Variants in SLC44A1 observed in about 807,000 individuals in gnomAD.
The protein encoded by SLC44A1 is choline transporter-like protein 1.
In SLC44A1, 26 loss-of-function variants were observed where a neutral mutation model predicts 79.3. The ratio of observed to expected loss-of-function variants is 0.33; its 90% CI spans 0.24 to 0.46. The LOEUF (loss-of-function observed/expected upper bound fraction) is 0.46, where lower values mean the gene tolerates loss of function less well. Among genes scored for constraint, SLC44A1 ranks in the 20% least tolerant of loss-of-function variants. The pLI is 1.00. For synonymous variants in SLC44A1, 263 were observed against 286.2 expected, an observed-to-expected ratio of 0.92 and a Z score of 0.82; for missense variants, 688 against 798.1, an observed-to-expected ratio of 0.86 and a Z score of 1.66.
At position 105,393,751 on chromosome 9, in the gene SLC44A1, T is replaced by A. The variant is rs1461945890; in HGVS notation, c.*4695T>A. 1 of 985,184 alleles carries A rather than the reference T, an allele frequency of 1.0e-6. No individual in the cohort carries two copies. The highest frequency in any genetic ancestry group is 1.2e-6 in the Non-Finnish European group (1 of 829,826). 61.0% of individuals were successfully genotyped at this position (985,184 alleles called of 1,614,324 possible). On this transcript the variant is annotated 3_prime_UTR_variant, in exon 16 of 16. Transcript: ENST00000374720. ...ACAGAATGTGTTCTAAGGAAATTCG[T>A]TAGTAAATTTGTGAAAAACATGTGA...
intron 3 of SLC44A1, among the ~76,000 whole-genome samples, chr9:105,313,600 G>T (rs758259615): frequency 1.3e-5 from 2 of 152,122 alleles, no homozygotes; most frequent in Admixed American, 6.6e-5. Flanking sequence ...TTTTTTGATG[G>T]TGGGGATCAG....
chr9:105,386,923 G>A (rs1588859167), intron 15 of SLC44A1, among the ~76,000 whole-genome samples: 2 of 143,888 alleles, frequency 1.4e-5, no homozygotes, highest in East Asian at 2.0e-4. Context: ...CCTATAATCC[G>A]AGTTACTTGG....
At chr9:105,301,966 A>G (rs1480382598) in intron 2 of SLC44A1, among the ~76,000 whole-genome samples, 1 of 152,130 alleles carries the variant, frequency 6.6e-6, no homozygotes, top group East Asian at 1.9e-4. Flanking sequence ...CCTATGGTCT[A>G]GTTCTTAAAT....
chr9:105,433,353 CAA>C (rs1829422566), intron 15 of SLC44A1, among the ~76,000 whole-genome samples: 1 of 151,932 alleles, frequency 6.6e-6, no homozygotes, highest in African/African-American at 2.4e-5. Context: ...AAAGGCATCC[CAA>C]ATGGATGAAA....
chr9:105,432,479 A>T (rs1421814282), intron 15 of SLC44A1, among the ~76,000 whole-genome samples: 2 of 152,220 alleles, frequency 1.3e-5, no homozygotes, highest in East Asian at 3.8e-4. Flanking sequence ...ATATTAGGTT[A>T]ACATGCAAGT....
At chr9:105,351,031 C>G (rs556622567) in intron 5 of SLC44A1, among the ~76,000 whole-genome samples, 2 of 152,196 alleles carry the variant, frequency 1.3e-5, no homozygotes, top group East Asian at 1.9e-4. Context: ...TCATAACTCT[C>G]TATTGGTGAA....
chr9:105,421,582 CTTT>C (rs1056443918), intron 15 of SLC44A1, among the ~76,000 whole-genome samples: 12 of 130,170 alleles, frequency 9.2e-5, no homozygotes, highest in Admixed American at 1.6e-4. Context: ...TCAGAAATCT[CTTT>C]TTTTTTTTTT....
intron 7 of SLC44A1, among the ~76,000 whole-genome samples, chr9:105,360,625 C>G (rs1827751272): frequency 6.6e-6 from 1 of 152,176 alleles, no homozygotes. Context: ...AAATGCTTAT[C>G]CCTAGCACCC....
At position 105,434,717 on chromosome 9, in the gene SLC44A1, A is replaced by G. The variant is rs75301460; in HGVS notation, c.1951-3564A>G. Among the ~76,000 whole-genome samples the G allele has an allele frequency of 7.3e-3, 1,114 of 152,358 alleles. 6 individuals are homozygous for G. Among genetic ancestry groups the G allele is most frequent in the Non-Finnish European group, 0.013 (883 of 68,036 alleles). On this transcript the variant is annotated intron_variant, in intron 15 of 15. Transcript: ENST00000374724. ...AGTCACTCATTGGATGAGCTAGATTATGCCGTGAGTTTTCATGTTCAAGGA... is the reference window on the plus strand; with the variant it reads ...AGTCACTCATTGGATGAGCTAGATTGTGCCGTGAGTTTTCATGTTCAAGGA...
Position 105,397,256 on chromosome 9 carries a change from C to G in SLC44A1, c.*8200C>G. On this transcript the variant is annotated 3_prime_UTR_variant, in exon 16 of 16. Transcript: ENST00000374720. ...ATGCTAAGTTTTCTCTGTGTACTGACTCAGTTGCCAGAATTATAATGAAAA... is the reference window on the plus strand; with the variant it reads ...ATGCTAAGTTTTCTCTGTGTACTGAGTCAGTTGCCAGAATTATAATGAAAA... 1.0e-6 allele frequency: 1 copy of G among 985,136 alleles called. No individual in the cohort carries two copies. 61.0% of individuals were successfully genotyped at this position (985,136 alleles called of 1,614,324 possible).
At chr9:105,340,207 T>TAA (rs1827044837) in intron 4 of SLC44A1, among the ~76,000 whole-genome samples, 1 of 152,166 alleles carries the variant, frequency 6.6e-6, no homozygotes, top group African/African-American at 2.4e-5. Context: ...TTTACCACAA[T>TAA]AAGAAATAGG....
At position 105,396,182 on chromosome 9, in the gene SLC44A1, T is replaced by G; in HGVS notation, c.*7126T>G. On this transcript the variant is annotated 3_prime_UTR_variant, in exon 16 of 16. Coordinates refer to ENST00000374720, the MANE Select transcript of SLC44A1 (RefSeq NM_080546.5). ...TGTTGGAGTTTTCTGACTTCTTCCC[T>G]ATAAAAAGATACTGAGAGCTCCATA... is the stretch of plus-strand genomic sequence containing the variant. The G allele has an allele frequency of 1.0e-6, 1 of 985,380 alleles. No homozygotes were observed. The allele number at this position is 985,380 out of a possible 1,614,324, so 61.0% of individuals were successfully genotyped here.
chr9:105,252,505 A>G (rs1220656441), intron 1 of SLC44A1, among the ~76,000 whole-genome samples: 4 of 152,108 alleles, frequency 2.6e-5, no homozygotes, highest in Non-Finnish European at 5.9e-5. Context: ...GGGCTCTCTT[A>G]AGCAGCTTGT....
chr9:105,333,790 A>T (rs1826826013), intron 3 of SLC44A1, among the ~76,000 whole-genome samples: 1 of 151,946 alleles, frequency 6.6e-6, no homozygotes, highest in Admixed American at 6.5e-5. Flanking sequence ...AGCCTGTGCA[A>T]CAGGGCAGAA....
chr9:105,313,914 C>T (rs112461270), intron 3 of SLC44A1, among the ~76,000 whole-genome samples: 1,691 of 152,018 alleles, frequency 0.011, 8 homozygotes, highest in Middle Eastern at 0.054. Flanking sequence ...CATGCACCAC[C>T]GTGCCTGGCT....
chr9:105,363,104 T>G, intron 9 of SLC44A1, 97 bp downstream of exon 9: 1 of 959,560 alleles, frequency 1.0e-6, no homozygotes, highest in Non-Finnish European at 1.6e-6. Context: ...CATTTGTTGA[T>G]GAAGGTCCAA....
chr9:105,351,547 A>G (rs1451862129), intron 5 of SLC44A1, among the ~76,000 whole-genome samples: 14 of 125,838 alleles, frequency 1.1e-4, no homozygotes, highest in Non-Finnish European at 1.3e-4. Flanking sequence ...AAAGAAAGAA[A>G]GAAAGAAAGA....
At chr9:105,347,683 C>A (rs1476007634) in intron 4 of SLC44A1, among the ~76,000 whole-genome samples, 1 of 151,760 alleles carries the variant, frequency 6.6e-6, no homozygotes, top group East Asian at 1.9e-4. Flanking sequence ...TTTGCATAGC[C>A]AATCTAAAGT....
rs531926243 is a variant in SLC44A1 at position 105,316,030 on chromosome 9, G to A, written c.269+6164G>A. ...AGCGACCTAAGTGGTTGAAAAAAGC[G>A]TTTGGTTAAATTCATTCATTCATTC... On this transcript the variant is annotated intron_variant, in intron 3 of 15. Transcript: ENST00000374720. 1.4e-4 allele frequency among the ~76,000 whole-genome samples: 22 copies of A among 152,260 alleles called. No homozygotes were observed. In the South Asian group the frequency reaches 2.7e-3, roughly 19 times the overall value.
Sources: allele counts gnomAD v4.1 joint callset (sites outside exome capture counted in the v4.1 genomes callset), GRCh38; gene constraint gnomAD v4.1.1; transcripts MANE v1.5; gene names NCBI Gene and HGNC (gene_info 2026-07-23, HGNC 2026-07-21).